The following CSGALNACT2 variants were observed in gnomAD, a reference collection of about 807,000 sequenced individuals.
CSGALNACT2 encodes beta 4 GalNAcT-2.
Under a neutral mutation model 55.3 loss-of-function variants are expected in CSGALNACT2, and 35 were observed. The observed-to-expected ratio is 0.63, with a 90% CI of 0.48 to 0.84. CSGALNACT2 has a LOEUF of 0.84. CSGALNACT2 is among the 40% of genes least tolerant of loss of function. CSGALNACT2 has a pLI of 0.00. For synonymous variants in CSGALNACT2, 196 were observed against 224.9 expected (o/e 0.87, Z 1.15); for missense variants, 544 against 657.5 (o/e 0.83, Z 1.89).
rs1040421489 is a variant in CSGALNACT2, at chr10:43,175,320, C to T, written c.1255-631C>T. Among the ~76,000 whole-genome samples, 7 of 152,200 alleles carry T rather than the reference C, an allele frequency of 4.6e-5. No individual in the cohort carries two copies. In the East Asian group the frequency reaches 5.8e-4, roughly 13 times the overall value. ...GCCATCGTTTGCTGACCCTGCCCTA[C>T]GACCAAATGTCCTTTCTAGTGAGTC... On this transcript the variant is annotated intron_variant, in intron 6 of 7. Transcript: ENST00000374466.
intron 6 of CSGALNACT2, among the ~76,000 whole-genome samples, chr10:43,170,844 C>G (rs1476417119): frequency 6.6e-6 from 1 of 152,156 alleles, no homozygotes; most frequent in Non-Finnish European, 1.5e-5. Context: ...CTTCCAAAAA[C>G]GTAGATAACT....
chr10:43,142,233 A>C (rs1266628764), intron 1 of CSGALNACT2, among the ~76,000 whole-genome samples: 5 of 149,868 alleles, frequency 3.3e-5, no homozygotes, highest in Admixed American at 3.3e-4. Flanking sequence ...TATTTTTGAG[A>C]CAGAGTCTCA....
rs1480710034 is a variant in CSGALNACT2 at position 43,163,889 on chromosome 10, C to T, written c.1004C>T (p.Thr335Ile). The T allele has an allele frequency of 3.1e-6, 5 of 1,613,810 alleles. No homozygotes were observed. Among genetic ancestry groups the T allele is most frequent in the East Asian group, 2.2e-5 (1 of 44,888 alleles). Residue 335 changes from threonine (T) to isoleucine (I), a missense_variant, in exon 5 of 8, where the codon ACC becomes ATC. Physicochemically the swap from Thr to Ile is moderately conservative, Grantham distance 89 (BLOSUM62 -1). Around this residue, in one of 2 missense-constraint regions of CSGALNACT2, gnomAD observed 374 missense variants for 401.3 expected, o/e 0.93. Coordinates refer to ENST00000374466, the MANE Select transcript of CSGALNACT2 (RefSeq NM_018590.5). ...AGTGAGTCTAATTTTCACAATTACACCTTGGTCTCATTGAATGAAGAATTT... is the reference window on the plus strand; with the variant it reads ...AGTGAGTCTAATTTTCACAATTACATCTTGGTCTCATTGAATGAAGAATTT... ...VTSESNFHNY[T>I]LVSLNEEFNR...
chr10:43,175,274 G>A (rs1780446936), intron 6 of CSGALNACT2, among the ~76,000 whole-genome samples: 1 of 152,240 alleles, frequency 6.6e-6, no homozygotes, highest in Non-Finnish European at 1.5e-5. Context: ...AAAGCAGGCA[G>A]CAGGCCAGAT....
At chr10:43,149,814 T>A (rs577288661) in intron 1 of CSGALNACT2, among the ~76,000 whole-genome samples, 1 of 152,332 alleles carries the variant, frequency 6.6e-6, no homozygotes, top group African/African-American at 2.4e-5. Flanking sequence ...ACGCCTGTGA[T>A]CCCAGCACTT....
chr10:43,173,973 A>G (rs1839431317), intron 6 of CSGALNACT2, among the ~76,000 whole-genome samples: 1 of 152,178 alleles, frequency 6.6e-6, no homozygotes, highest in Non-Finnish European at 1.5e-5. Flanking sequence ...AGTCTGGGCA[A>G]CACAGTGAGA....
chr10:43,138,530 G>C lies in CSGALNACT2; in HGVS notation c.-291G>C, dbSNP rs1838543166. ...TGAGGCGCCGCCCGGGTGTCCCCGCGGCGCAGGAGGCGGTGGAGCGCAGAG... is the reference window on the plus strand; with the variant it reads ...TGAGGCGCCGCCCGGGTGTCCCCGCCGCGCAGGAGGCGGTGGAGCGCAGAG... On this transcript the variant is annotated 5_prime_UTR_variant, in exon 1 of 8. Transcript: ENST00000374466. 1 of 150,412 alleles carries C rather than the reference G, an allele frequency of 6.6e-6. No homozygotes were observed. The highest frequency in any genetic ancestry group is 1.5e-5 in the Non-Finnish European group (1 of 67,474). The allele number at this position is 150,412 out of a possible 1,614,324, so 9.3% of individuals were successfully genotyped here. A position where few individuals can be genotyped will look rare whatever the true frequency, so the allele number is the denominator to read the frequency against.
chr10:43,175,700 A>G (rs1367165681), intron 6 of CSGALNACT2, among the ~76,000 whole-genome samples: 1 of 152,236 alleles, frequency 6.6e-6, no homozygotes. Context: ...CTGTTGTCCT[A>G]GAATGTAAGC....
At position 43,158,875 on chromosome 10, in the gene CSGALNACT2, C is replaced by A. The variant is rs375714621; in HGVS notation, c.822C>A (p.Ile274=). 18 of 1,612,174 alleles carry A rather than the reference C, an allele frequency of 1.1e-5. No individual in the cohort carries two copies. The African/African-American group carries it at 1.2e-4, about 11-fold the overall frequency. ...ACATCACTAGATCAATTATTAATAT[C>A]ATTGTGCCACTTGCTGAAAGAACTG... ...MIDITRSIIN[I]IVPLAERTEA... The change falls in exon 3 of 8, where the codon ATC becomes ATA. Residue 274 remains isoleucine, a synonymous_variant. Coordinates refer to ENST00000374466, the MANE Select transcript of CSGALNACT2 (RefSeq NM_018590.5).
intron 7 of CSGALNACT2, among the ~76,000 whole-genome samples, chr10:43,179,633 A>G (rs1224968700): frequency 6.6e-6 from 1 of 152,120 alleles, no homozygotes; most frequent in Middle Eastern, 3.2e-3. Context: ...TGTTTTTGAC[A>G]ATGCTCTGGG....
chr10:43,178,119 C>A (rs1205340351), intron 7 of CSGALNACT2, among the ~76,000 whole-genome samples: 2 of 152,070 alleles, frequency 1.3e-5, no homozygotes, highest in African/African-American at 4.8e-5. Context: ...GTTTCTTGGG[C>A]TTCTTGAATA....
intron 6 of CSGALNACT2, among the ~76,000 whole-genome samples, chr10:43,172,128 C>G (rs931134513): frequency 2.6e-5 from 4 of 152,188 alleles, no homozygotes; most frequent in South Asian, 2.1e-4. Flanking sequence ...CCACCCCCAA[C>G]AGTCTTTCCT....
rs1455768995 is a variant in CSGALNACT2 at position 43,184,105 on chromosome 10, TTAAC to T, written c.*565_*568del. On this transcript the variant is annotated 3_prime_UTR_variant, in exon 8 of 8. Transcript: ENST00000374466. ...AGAGAAAGGTAGAACTAAAAACTCC[TTAAC>T]TTACTGTTGCTTACACCCCTGAAAG... 1.3e-5 allele frequency: 2 copies of T among 153,608 alleles called. No homozygotes were observed. Among genetic ancestry groups the T allele is most frequent in the Non-Finnish European group, 2.9e-5 (2 of 68,976 alleles). 9.5% of individuals were successfully genotyped at this position (153,608 alleles called of 1,614,324 possible).
chr10:43,163,706 A>G (rs942814040), intron 4 of CSGALNACT2, 160 bp from the exon 5 acceptor site: 5 of 985,104 alleles, frequency 5.1e-6, no homozygotes, highest in Admixed American at 6.1e-5. Flanking sequence ...CCTGATGATA[A>G]TCATACACAT....
intron 4 of CSGALNACT2, chr10:43,162,789 G>A: frequency 1.1e-6 from 1 of 902,608 alleles, no homozygotes. Flanking sequence ...GATTCAGTGG[G>A]TCTGGCTGTA....
At chr10:43,172,893 A>G (rs1449078543) in intron 6 of CSGALNACT2, among the ~76,000 whole-genome samples, 1 of 152,212 alleles carries the variant, frequency 6.6e-6, no homozygotes, top group Non-Finnish European at 1.5e-5. Context: ...AGAACCAGCT[A>G]GGCTGTGATT....
chr10:43,173,052 G>C (rs1839413237), intron 6 of CSGALNACT2, among the ~76,000 whole-genome samples: 1 of 152,212 alleles, frequency 6.6e-6, no homozygotes, highest in Non-Finnish European at 1.5e-5. Flanking sequence ...AAGTATGTTG[G>C]AAAGCCTTTG....
intron 1 of CSGALNACT2, among the ~76,000 whole-genome samples, 193 bp downstream of exon 1, chr10:43,138,760 G>C (rs1176420909): frequency 6.6e-6 from 1 of 152,184 alleles, no homozygotes; most frequent in Non-Finnish European, 1.5e-5. Context: ...AGCGCGGCCA[G>C]AGACGATTGG....
In CSGALNACT2 at chr10:43,180,105, G is replaced by A. The variant is rs374564597; in HGVS notation, c.1337-3145G>A. ...GGCAGGAGGACCCCCAGTATTCTCAGCTGGCCACACCTGGAAGTGGAGCCT... is the reference window on the plus strand; with the variant it reads ...GGCAGGAGGACCCCCAGTATTCTCAACTGGCCACACCTGGAAGTGGAGCCT... On this transcript the variant is annotated intron_variant, in intron 7 of 7. Transcript: ENST00000374466. 1.9e-3 allele frequency among the ~76,000 whole-genome samples: 288 copies of A among 152,312 alleles called. 2 individuals carry two copies. Among genetic ancestry groups the A allele is most frequent in the Non-Finnish European group, 3.3e-3 (225 of 68,034 alleles).
Sources: gnomAD v4.1 joint callset for allele counts (sites outside exome capture counted in the v4.1 genomes callset) on GRCh38, gnomAD v4.1.1 for gene constraint, gnomAD v4.1.1 regional missense constraint, MANE v1.5 for transcripts, NCBI Gene and HGNC (gene_info 2026-07-23, HGNC 2026-07-21) for gene names.